Variants in COL21A1 observed in about 807,000 individuals in gnomAD.
COL21A1 encodes the protein collagen alpha-1(XXI) chain.
COL21A1 carries 149 observed loss-of-function variants against 137.9 expected under a neutral mutation model. That is an observed-to-expected ratio of 1.08 (90% CI 0.95 to 1.24). The LOEUF (loss-of-function observed/expected upper bound fraction) is 1.24. Among genes scored for constraint, COL21A1 ranks in the 50% most tolerant of loss-of-function variants. The pLI, the probability that COL21A1 is intolerant of heterozygous loss-of-function variation, is 0.00. For synonymous variants in COL21A1, 456 were observed against 391.5 expected (o/e 1.16, Z -1.95); for missense variants, 1,167 against 1,158.4 (o/e 1.01, Z -0.11).
chr6:56,197,517 T>G (rs1388325052), intron 1 of COL21A1, among the ~76,000 whole-genome samples: 1 of 151,634 alleles, frequency 6.6e-6, no homozygotes, highest in East Asian at 1.9e-4. Context: ...CAATAGCAAA[T>G]AAAAAACTGA....
chr6:56,204,111 C>T (rs898110574), intron 1 of COL21A1, among the ~76,000 whole-genome samples: 1 of 152,040 alleles, frequency 6.6e-6, no homozygotes, highest in Non-Finnish European at 1.5e-5. Flanking sequence ...ACCCCAGTGT[C>T]ACCTGGAACG....
chr6:56,072,626 C>G (rs1180757945), intron 20 of COL21A1, among the ~76,000 whole-genome samples: 1 of 151,374 alleles, frequency 6.6e-6, no homozygotes, highest in Non-Finnish European at 1.5e-5. Flanking sequence ...TAAAGTTTAA[C>G]CAGAACATAG....
At chr6:56,234,006 C>G (rs188056444) in intron 1 of COL21A1, among the ~76,000 whole-genome samples, 1 of 151,738 alleles carries the variant, frequency 6.6e-6, no homozygotes, top group Non-Finnish European at 1.5e-5. Context: ...ATTATAACTT[C>G]CAGAGATGAC....
intron 12 of COL21A1, among the ~76,000 whole-genome samples, chr6:56,128,894 A>G (rs1188313048): frequency 6.6e-6 from 1 of 152,086 alleles, no homozygotes; most frequent in African/African-American, 2.4e-5. Flanking sequence ...ACCTCAGGTG[A>G]TCTACCTGCC....
chr6:56,269,893 T>C (rs1203531002), intron 1 of COL21A1, among the ~76,000 whole-genome samples: 1 of 152,112 alleles, frequency 6.6e-6, no homozygotes, highest in Admixed American at 6.5e-5. Flanking sequence ...ATGGAATTCA[T>C]CACAACCAAA....
chr6:56,290,517 T>TTTTTTTTTA (rs57823142), intron 1 of COL21A1, among the ~76,000 whole-genome samples: 1 of 147,324 alleles, frequency 6.8e-6, no homozygotes, highest in African/African-American at 2.6e-5. Flanking sequence ...TTTTTTTTTT[T>TTTTTTTTTA]GAGACGAAGT....
Position 56,057,320 on chromosome 6 carries a change from T to C in COL21A1, c.*337A>G, listed in dbSNP as rs953809946. The C allele has an allele frequency of 2.6e-5, 8 of 305,598 alleles. No homozygotes were observed. Among genetic ancestry groups the C allele is most frequent in the Non-Finnish European group, 4.3e-5 (7 of 163,130 alleles). 18.9% of individuals were successfully genotyped at this position (305,598 alleles called of 1,614,324 possible). A position where few individuals can be genotyped will look rare whatever the true frequency, so the allele number is the denominator to read the frequency against. On this transcript the variant is annotated 3_prime_UTR_variant, in exon 30 of 30. Coordinates refer to ENST00000244728, the MANE Select transcript of COL21A1 (RefSeq NM_030820.4). ...CATGAAATTAAACTCAAATCTCTAC[T>C]GCATGGAGGCTGAATGTGAAATATT...
At chr6:56,308,193 T>C (rs527283252) in intron 1 of COL21A1, among the ~76,000 whole-genome samples, 2 of 152,318 alleles carry the variant, frequency 1.3e-5, no homozygotes, top group South Asian at 2.1e-4. Flanking sequence ...GAATCCCTTA[T>C]GGTTTTATGG....
At chr6:56,388,480 T>G (rs1367276545) in intron 1 of COL21A1, among the ~76,000 whole-genome samples, 1 of 152,206 alleles carries the variant, frequency 6.6e-6, no homozygotes, top group Non-Finnish European at 1.5e-5. Context: ...TTCTCCCTTA[T>G]TTTACCCAAG....
At chr6:56,276,241 G>T (rs1470866493) in intron 1 of COL21A1, among the ~76,000 whole-genome samples, 1 of 152,074 alleles carries the variant, frequency 6.6e-6, no homozygotes, top group Non-Finnish European at 1.5e-5. Flanking sequence ...ACATGAGTAC[G>T]GGTTGAAAAA....
chr6:56,294,209 C>A (rs1764114999), intron 1 of COL21A1, among the ~76,000 whole-genome samples: 1 of 152,038 alleles, frequency 6.6e-6, no homozygotes, highest in Admixed American at 6.6e-5. Context: ...AATTAAGTAG[C>A]AAATCTCTAC....
chr6:56,161,193 T>C (rs1451032579), intron 9 of COL21A1, among the ~76,000 whole-genome samples: 3 of 152,206 alleles, frequency 2.0e-5, no homozygotes, highest in Non-Finnish European at 4.4e-5. Flanking sequence ...AACAGAGATA[T>C]GGCTATAGTA....
chr6:56,163,960 C>G (rs1018430261), intron 9 of COL21A1, among the ~76,000 whole-genome samples: 2 of 152,144 alleles, frequency 1.3e-5, no homozygotes, highest in African/African-American at 4.8e-5. Flanking sequence ...GTATGTGGCT[C>G]TATTTTTGAA....
chr6:56,153,291 T>C (rs1202170043), intron 10 of COL21A1, among the ~76,000 whole-genome samples: 2 of 152,172 alleles, frequency 1.3e-5, no homozygotes, highest in South Asian at 4.1e-4. Flanking sequence ...GCTTGACTTC[T>C]GTCTCATATA....
At chr6:56,253,521 C>G (rs953839479) in intron 1 of COL21A1, among the ~76,000 whole-genome samples, 2 of 152,174 alleles carry the variant, frequency 1.3e-5, no homozygotes, top group African/African-American at 4.8e-5. Flanking sequence ...AAAAGTAGAA[C>G]TCCAGAAAGA....
rs138449541 is a variant in COL21A1 at position 56,200,112 on chromosome 6, T to C, written c.-38-17456A>G. The stretch of plus-strand genomic sequence containing the variant: ...ATCTGGGGACAAGATTTCCATTCCA[T>C]TGATGGAGTAAGTTTGGTTTGTCCC... On this transcript the variant is annotated intron_variant, in intron 1 of 29. Coordinates refer to ENST00000244728, the MANE Select transcript of COL21A1 (RefSeq NM_030820.4). 5.3e-5 allele frequency among the ~76,000 whole-genome samples: 8 copies of C among 152,186 alleles called. No individual in the cohort carries two copies. The East Asian group carries it at 1.4e-3, about 26-fold the overall frequency.
intron 1 of COL21A1, among the ~76,000 whole-genome samples, chr6:56,302,051 C>T (rs1396540525): frequency 8.6e-5 from 13 of 151,416 alleles, no homozygotes; most frequent in South Asian, 2.1e-4. Flanking sequence ...CTGCAAAGGA[C>T]ATGAACTCAT....
chr6:56,199,436 C>A (rs2152296536), intron 1 of COL21A1, among the ~76,000 whole-genome samples: 1 of 151,850 alleles, frequency 6.6e-6, no homozygotes, highest in African/African-American at 2.4e-5. Flanking sequence ...AAATAGACAC[C>A]AAGAAATCCA....
Position 56,075,283 on chromosome 6 carries a change from A to T in COL21A1, c.1911+196T>A, listed in dbSNP as rs12110850. On this transcript the variant is annotated intron_variant, in intron 19 of 29. Coordinates refer to ENST00000244728, the MANE Select transcript of COL21A1 (RefSeq NM_030820.4). ...TTTTGGGTGGCCAACTTTTTGAGAAACTGAAGAAATCTTTACTCTTTTAGA... is the reference window on the plus strand; with the variant it reads ...TTTTGGGTGGCCAACTTTTTGAGAATCTGAAGAAATCTTTACTCTTTTAGA... 4.6e-3 allele frequency among the ~76,000 whole-genome samples: 698 copies of T among 151,512 alleles called. 7 individuals carry two copies. Among genetic ancestry groups the T allele is most frequent in the African/African-American group, 0.016 (648 of 41,454 alleles).
Sources: allele counts gnomAD v4.1 joint callset (sites outside exome capture counted in the v4.1 genomes callset), GRCh38; gene constraint gnomAD v4.1.1; transcripts MANE v1.5; gene names NCBI Gene and HGNC (gene_info 2026-07-23, HGNC 2026-07-21).